Variants in UTRN observed in about 807,000 individuals in gnomAD.
UTRN encodes the protein utrophin.
In UTRN, 283 loss-of-function variants were observed where a neutral mutation model predicts 463.9. That is an observed-to-expected ratio of 0.61 (90% CI 0.55 to 0.67). UTRN has a LOEUF of 0.67. UTRN is among the 30% of genes least tolerant of loss of function. UTRN has a pLI of 0.00. For missense variants in UTRN, 3,922 were observed against 4,084.3 expected, an observed-to-expected ratio of 0.96 and a Z score of 1.08; for synonymous variants, 1,442 against 1,431.5, an observed-to-expected ratio of 1.01 and a Z score of -0.17.
At chr6:144,573,236 T>C (rs1310260495) in intron 50 of UTRN, among the ~76,000 whole-genome samples, 1 of 152,110 alleles carries the variant, frequency 6.6e-6, no homozygotes, top group Non-Finnish European at 1.5e-5. Flanking sequence ...TTGTAAATTG[T>C]TTAACCGTAG....
At chr6:144,673,076 A>G (rs551119000) in intron 51 of UTRN, among the ~76,000 whole-genome samples, 1 of 152,068 alleles carries the variant, frequency 6.6e-6, no homozygotes, top group African/African-American at 2.4e-5. Flanking sequence ...TTTATTGAGG[A>G]TTGTTTTATG....
At chr6:144,529,137 A>G (rs1796817553) in intron 41 of UTRN, among the ~76,000 whole-genome samples, 1 of 152,222 alleles carries the variant, frequency 6.6e-6, no homozygotes, top group South Asian at 2.1e-4. Context: ...CCAAAAGGCC[A>G]GTCTTAGTCC....
intron 30 of UTRN, 88 bp from the exon 31 acceptor site, chr6:144,489,981 TAC>T: frequency 6.6e-7 from 1 of 1,520,230 alleles, no homozygotes; most frequent in Non-Finnish European, 8.9e-7. Context: ...TATCATGTAT[TAC>T]ACAACGATAT....
intron 53 of UTRN, among the ~76,000 whole-genome samples, chr6:144,729,229 G>GT (rs1450365141): frequency 2.6e-5 from 4 of 151,942 alleles, no homozygotes; most frequent in South Asian, 2.1e-4. Flanking sequence ...CATTACCAGG[G>GT]TTTTTTTGTG....
chr6:144,790,503 A>G (rs769580667), intron 62 of UTRN, among the ~76,000 whole-genome samples: 5 of 152,194 alleles, frequency 3.3e-5, no homozygotes, highest in Non-Finnish European at 7.3e-5. Flanking sequence ...TTTTTTCTAC[A>G]TAGTTTGACA....
intron 2 of UTRN, among the ~76,000 whole-genome samples, chr6:144,304,792 G>A (rs1005627391): frequency 6.6e-6 from 1 of 151,834 alleles, no homozygotes; most frequent in Non-Finnish European, 1.5e-5. Context: ...CTTTGAAAGG[G>A]CTTTAAAATT....
At chr6:144,443,694 AT>A (rs1787386937) in intron 13 of UTRN, among the ~76,000 whole-genome samples, 1 of 152,088 alleles carries the variant, frequency 6.6e-6, no homozygotes, top group Admixed American at 6.6e-5. Flanking sequence ...TCTATTGCTA[AT>A]TTATGTAACT....
At chr6:144,476,741 G>A (rs1791245605) in intron 25 of UTRN, among the ~76,000 whole-genome samples, 1 of 152,164 alleles carries the variant, frequency 6.6e-6, no homozygotes, top group African/African-American at 2.4e-5. Flanking sequence ...CTTTAAATTT[G>A]ATAAGAAGGA....
intron 66 of UTRN, among the ~76,000 whole-genome samples, chr6:144,824,870 T>C (rs1385323856): frequency 6.6e-6 from 1 of 151,516 alleles, no homozygotes; most frequent in Non-Finnish European, 1.5e-5. Context: ...CTTGTATCAG[T>C]TTGTAAATTA....
intron 32 of UTRN, among the ~76,000 whole-genome samples, chr6:144,492,542 AG>A (rs1793170775): frequency 6.6e-6 from 1 of 152,198 alleles, no homozygotes; most frequent in Non-Finnish European, 1.5e-5. Context: ...ACCCAGTAAT[AG>A]GATTTCTGGG....
rs201495464 is a variant in UTRN, at chr6:144,389,615, CT to C, written c.80-13507del. ...TCATTACTCTTTTTTTTTTCCCCCC[CT>C]GAGACGGGGTCTGGCTGTGTTGCCC... On this transcript the variant is annotated intron_variant, in intron 2 of 74. Coordinates refer to ENST00000367545, the MANE Select transcript of UTRN (RefSeq NM_007124.3). 2.6e-5 allele frequency among the ~76,000 whole-genome samples: 4 copies of C among 151,022 alleles called. 1 individual carries two copies. Among genetic ancestry groups the C allele is most frequent in the South Asian group, 4.2e-4 (2 of 4,792 alleles).
chr6:144,548,160 T>G (rs1483915948), intron 46 of UTRN, among the ~76,000 whole-genome samples: 2 of 152,118 alleles, frequency 1.3e-5, no homozygotes, highest in African/African-American at 4.8e-5. Flanking sequence ...TTTTAAAAAA[T>G]TAAAATAAAA....
At position 144,578,354 on chromosome 6, in the gene UTRN, T is replaced by TTTG. The variant is rs541379138; in HGVS notation, c.7479+1078_7479+1080dup. On this transcript the variant is annotated intron_variant, in intron 51 of 74. Transcript: ENST00000367545. ...CCTGTGAACACGTGTTCCATTGTCT[T>TTTG]TTGTTGTTGTTGTTTTGTTGCCCAG... Among the ~76,000 whole-genome samples, 27 of 152,186 alleles carry TTTG rather than the reference T, an allele frequency of 1.8e-4. No individual in the cohort carries two copies. In the East Asian group the frequency reaches 5.2e-3, roughly 29 times the overall value.
chr6:144,722,695 C>T (rs1233809918), intron 53 of UTRN, among the ~76,000 whole-genome samples: 1 of 152,044 alleles, frequency 6.6e-6, no homozygotes, highest in Non-Finnish European at 1.5e-5. Context: ...AGTTCCTCAG[C>T]TGTACTAGTC....
intron 14 of UTRN, among the ~76,000 whole-genome samples, chr6:144,446,955 T>C (rs1251076959): frequency 6.6e-6 from 1 of 152,176 alleles, no homozygotes; most frequent in Non-Finnish European, 1.5e-5. Flanking sequence ...ACCTATCTCC[T>C]TGAGAATTAG....
At chr6:144,836,684 T>G in intron 71 of UTRN, 143 bp downstream of exon 71, 2 of 1,325,262 alleles carry the variant, frequency 1.5e-6, no homozygotes, top group Non-Finnish European at 2.0e-6. Flanking sequence ...GGCTTAGAAA[T>G]TTCCTTTTAC....
intron 37 of UTRN, 40 bp downstream of exon 37, chr6:144,514,860 G>A: frequency 6.3e-7 from 1 of 1,585,700 alleles, no homozygotes; most frequent in Non-Finnish European, 8.6e-7. Flanking sequence ...TTTTTCCTAT[G>A]GGTATGTATC....
chr6:144,289,782 G>A (rs1804043421), intron 1 of UTRN, among the ~76,000 whole-genome samples: 1 of 152,064 alleles, frequency 6.6e-6, no homozygotes, highest in African/African-American at 2.4e-5. Context: ...CCAAGTAGCT[G>A]GGATTACAGG....
intron 53 of UTRN, chr6:144,708,117 T>A: frequency 3.2e-6 from 1 of 316,498 alleles, no homozygotes; most frequent in Middle Eastern, 4.6e-4. Flanking sequence ...CACTTTTCAG[T>A]AAAGATAACT....
Sources: allele counts gnomAD v4.1 joint callset (sites outside exome capture counted in the v4.1 genomes callset), GRCh38; gene constraint gnomAD v4.1.1; transcripts MANE v1.5; gene names NCBI Gene and HGNC (gene_info 2026-07-23, HGNC 2026-07-21).